Variants in KIF9 observed in about 807,000 individuals in gnomAD.
KIF9 encodes the protein kinesin family member 9.
Under a neutral mutation model 94.8 loss-of-function variants are expected in KIF9, and 68 were observed. The ratio of observed to expected loss-of-function variants is 0.72; its 90% CI spans 0.59 to 0.88. The LOEUF (loss-of-function observed/expected upper bound fraction) is 0.88, where lower values mean the gene tolerates loss of function less well. Ranked by LOEUF, KIF9 falls within the 40% of genes least tolerant of loss-of-function variation. KIF9 has a pLI of 0.00. For missense variants in KIF9, 882 were observed against 982.5 expected (o/e 0.90, Z 1.37); for synonymous variants, 343 against 362.1 (o/e 0.95, Z 0.60).
At chr3:47,262,694 C>G (rs745804940) in intron 9 of KIF9, among the ~76,000 whole-genome samples, 1 of 152,130 alleles carries the variant, frequency 6.6e-6, no homozygotes, top group Non-Finnish European at 1.5e-5. Context: ...GCTGGATGTA[C>G]GACAGGAGCA....
In KIF9 at chr3:47,246,236, T is replaced by A. The variant is rs1699918673; in HGVS notation, c.1250A>T (p.Gln417Leu). Reference sequence around the variant, plus strand: ...GAACTGGTTGAACACCTCCTTGATCTGTCTAAGGCTGATTATCTGGAGGGA... The same window carrying A: ...GAACTGGTTGAACACCTCCTTGATCAGTCTAAGGCTGATTATCTGGAGGGA... ...LDEIDIISLR[Q>L]IKEVFNQFRV... Residue 417 changes from glutamine (Q) to leucine (L), a missense_variant, in exon 13 of 21, where the codon CAG becomes CTG. Transcript: ENST00000684063. 1 of 1,612,440 alleles carries A rather than the reference T, an allele frequency of 6.2e-7. No individual in the cohort carries two copies. The highest frequency in any genetic ancestry group is 2.2e-5 in the East Asian group (1 of 44,796).
chr3:47,280,816 A>C (rs895798045), intron 1 of KIF9: 2 of 670,994 alleles, frequency 3.0e-6, no homozygotes, highest in Non-Finnish European at 2.7e-6. Flanking sequence ...CCATGCTGAC[A>C]CCATGGCTCC....
At chr3:47,244,756 A>T in intron 15 of KIF9, 35 bp downstream of exon 15, 1 of 1,611,078 alleles carries the variant, frequency 6.2e-7, no homozygotes, top group Non-Finnish European at 8.5e-7. Context: ...GAGGAGGGCC[A>T]GCTGCTGAGG....
In KIF9 at chr3:47,266,961, G is replaced by A; in HGVS notation, c.768+15C>T. The A allele has an allele frequency of 6.3e-7, 1 of 1,594,518 alleles. No homozygotes were observed. Among genetic ancestry groups the A allele is most frequent in the Non-Finnish European group, 8.6e-7 (1 of 1,162,848 alleles). ...GTGGTTTATTGAGTAGCAACCTCCA[G>A]CCCCCATCACTTACCCCAGACTTCC... On this transcript the variant is annotated intron_variant, in intron 7 of 20. Coordinates refer to ENST00000684063, the MANE Select transcript of KIF9 (RefSeq NM_182902.4).
intron 20 of KIF9, among the ~76,000 whole-genome samples, chr3:47,230,407 G>A (rs1698474990): frequency 6.6e-6 from 1 of 151,932 alleles, no homozygotes; most frequent in African/African-American, 2.4e-5. Context: ...GGGAGACCCA[G>A]TCTCTATTTT....
chr3:47,266,043 G>A (rs546788341), intron 7 of KIF9, 166 bp from the exon 8 acceptor site: 43 of 643,396 alleles, frequency 6.7e-5, no homozygotes, highest in Non-Finnish European at 1.1e-4. Flanking sequence ...ATTCCATCTT[G>A]GGCTAATAAT....
intron 7 of KIF9, 109 bp from the exon 8 acceptor site, chr3:47,265,986 C>T (rs760013832): frequency 2.6e-5 from 30 of 1,167,268 alleles, no homozygotes; most frequent in Admixed American, 4.2e-5. Flanking sequence ...GTCAGGTCAG[C>T]GCCTCCTTCC....
In KIF9 at chr3:47,277,392, G is replaced by C. The variant is rs778471005; in HGVS notation, c.-5-13C>G. 1.9e-6 allele frequency: 3 copies of C among 1,584,726 alleles called. No homozygotes were observed. The highest frequency in any genetic ancestry group is 2.6e-6 in the Non-Finnish European group (3 of 1,153,984). On this transcript the variant is annotated splice_polypyrimidine_tract_variant and intron_variant, in intron 1 of 20. Coordinates refer to ENST00000684063, the MANE Select transcript of KIF9 (RefSeq NM_182902.4). The stretch of plus-strand genomic sequence containing the variant: ...GTACCCATTCTAGCTAAAAAGAAGG[G>C]AACAATGAAATTTTGAGTAGTCATT...
chr3:47,260,175 G>A (rs1700874990), intron 9 of KIF9, among the ~76,000 whole-genome samples: 1 of 131,728 alleles, frequency 7.6e-6, no homozygotes, highest in Non-Finnish European at 1.6e-5. Context: ...AGATGTTTAT[G>A]TGTATGCATA....
At chr3:47,256,664 G>A (rs1700631975) in intron 10 of KIF9, among the ~76,000 whole-genome samples, 2 of 152,238 alleles carry the variant, frequency 1.3e-5, no homozygotes, top group African/African-American at 2.4e-5. Context: ...CATTGGGAAC[G>A]GGCCATGATG....
chr3:47,248,059 G>A lies in KIF9; in HGVS notation c.1087C>T (p.Leu363=). 2 of 1,613,826 alleles carry A rather than the reference G, an allele frequency of 1.2e-6. No individual in the cohort carries two copies. Among genetic ancestry groups the A allele is most frequent in the Non-Finnish European group, 1.7e-6 (2 of 1,179,858 alleles). ...ERMVKNLEKE[L]ALLKQELAIH... ...GCCAGCTCCTGCTTGAGTAGTGCTA[G>A]TTCCTTCTCCAGGTTCTTGACCATT... The change falls in exon 11 of 21, where the codon CTA becomes TTA. Residue 363 remains leucine, a synonymous_variant. Coordinates refer to ENST00000684063, the MANE Select transcript of KIF9 (RefSeq NM_182902.4).
In KIF9 at chr3:47,243,574, G is replaced by A. The variant is rs759029018; in HGVS notation, c.1515-329C>T. On this transcript the variant is annotated intron_variant, in intron 15 of 20. Coordinates refer to ENST00000684063, the MANE Select transcript of KIF9 (RefSeq NM_182902.4). Reference sequence around the variant, plus strand: ...GCCACAGGTTCTCAGGAACCACCACGGCTGCTGAGGTCTGAGTCATACAGG... The same window carrying A: ...GCCACAGGTTCTCAGGAACCACCACAGCTGCTGAGGTCTGAGTCATACAGG... 1.0e-4 allele frequency: 20 copies of A among 192,842 alleles called. 1 individual carries two copies. The South Asian group carries it at 1.4e-3, about 13-fold the overall frequency. 11.9% of individuals were successfully genotyped at this position (192,842 alleles called of 1,614,324 possible). A position where few individuals can be genotyped will look rare whatever the true frequency, so the allele number is the denominator to read the frequency against.
At chr3:47,264,208 G>T in intron 9 of KIF9, 78 bp downstream of exon 9, 1 of 1,113,500 alleles carries the variant, frequency 9.0e-7, no homozygotes. Flanking sequence ...TGCCAGGGTA[G>T]CCAGCCTGGA....
intron 6 of KIF9, 46 bp downstream of exon 6, chr3:47,267,133 TG>T (rs772024320): frequency 7.4e-5 from 119 of 1,600,352 alleles, no homozygotes; most frequent in Non-Finnish European, 9.4e-5. Context: ...GCAGGCCCCG[TG>T]GGAATTGACT....
At chr3:47,253,435 C>T (rs1700390612) in intron 10 of KIF9, among the ~76,000 whole-genome samples, 2 of 151,738 alleles carry the variant, frequency 1.3e-5, no homozygotes, top group African/African-American at 4.8e-5. Flanking sequence ...GGATTACAGG[C>T]ATGAGCCACG....
At chr3:47,235,967 CA>C in intron 19 of KIF9, 66 bp downstream of exon 19, 1 of 1,170,132 alleles carries the variant, frequency 8.5e-7, no homozygotes, top group Non-Finnish European at 1.3e-6. Flanking sequence ...TGAGAACAGA[CA>C]TCAAGGGGCA....
intron 20 of KIF9, among the ~76,000 whole-genome samples, chr3:47,229,741 T>TA (rs1361109666): frequency 1.3e-5 from 2 of 152,040 alleles, no homozygotes; most frequent in East Asian, 3.9e-4. Context: ...TTTAGAATTT[T>TA]TTTTTTTTTT....
intron 10 of KIF9, among the ~76,000 whole-genome samples, chr3:47,255,391 G>C (rs530491659): frequency 6.6e-6 from 1 of 152,106 alleles, no homozygotes; most frequent in Non-Finnish European, 1.5e-5. Context: ...CCTCTGATTG[G>C]CCAGCTGTTT....
chr3:47,259,529 G>A (rs1368670845), intron 9 of KIF9, among the ~76,000 whole-genome samples: 1 of 152,210 alleles, frequency 6.6e-6, no homozygotes, highest in Admixed American at 6.5e-5. Context: ...TAATGGGTAG[G>A]TAAGTGTGGG....
Sources: allele counts gnomAD v4.1 joint callset (sites outside exome capture counted in the v4.1 genomes callset), GRCh38; gene constraint gnomAD v4.1.1; transcripts MANE v1.5; gene names NCBI Gene and HGNC (gene_info 2026-07-23, HGNC 2026-07-21).